The following PIBF1 variants were observed in gnomAD, a reference collection of about 807,000 sequenced individuals.
The protein encoded by PIBF1 is progesterone-induced-blocking factor 1.
Under a neutral mutation model 112.5 loss-of-function variants are expected in PIBF1, and 90 were observed. That is an observed-to-expected ratio of 0.80 (90% confidence interval 0.67 to 0.95). The LOEUF (loss-of-function observed/expected upper bound fraction) is 0.95. PIBF1 is among the 40% of genes least tolerant of loss of function. The pLI is 0.00. For synonymous variants in PIBF1, 301 were observed against 288.6 expected, an observed-to-expected ratio of 1.04 and a Z score of -0.44; for missense variants, 915 against 852.3, an observed-to-expected ratio of 1.07 and a Z score of -0.92.
At chr13:72,784,553 G>A (rs929588774) in intron 2 of PIBF1, among the ~76,000 whole-genome samples, 1 of 152,012 alleles carries the variant, frequency 6.6e-6, no homozygotes, top group African/African-American at 2.4e-5. Context: ...AAGCTCAGGA[G>A]TTCGAGACTA....
At chr13:72,936,872 GA>G (rs2041884593) in intron 14 of PIBF1, among the ~76,000 whole-genome samples, 1 of 152,032 alleles carries the variant, frequency 6.6e-6, no homozygotes, top group Non-Finnish European at 1.5e-5. Context: ...ATGAAGCAGA[GA>G]AAATTGACAT....
chr13:72,912,917 A>T (rs114356549), intron 12 of PIBF1, among the ~76,000 whole-genome samples: 38 of 151,950 alleles, frequency 2.5e-4, no homozygotes, highest in African/African-American at 8.4e-4. Flanking sequence ...ATATGGTATG[A>T]TTATACTATA....
At chr13:72,968,911 C>T (rs1022588818) in intron 15 of PIBF1, among the ~76,000 whole-genome samples, 36 of 151,724 alleles carry the variant, frequency 2.4e-4, no homozygotes, top group African/African-American at 8.2e-4. Flanking sequence ...TGTGATGGCA[C>T]GCTTCTGTAG....
intron 5 of PIBF1, among the ~76,000 whole-genome samples, chr13:72,810,777 G>A (rs1026702389): frequency 6.6e-6 from 1 of 151,906 alleles, no homozygotes; most frequent in Admixed American, 6.6e-5. Flanking sequence ...AATTTAAAAT[G>A]TATAAGCATT....
intron 10 of PIBF1, among the ~76,000 whole-genome samples, chr13:72,884,935 C>T (rs2039786305): frequency 6.6e-6 from 1 of 151,954 alleles, no homozygotes; most frequent in Non-Finnish European, 1.5e-5. Context: ...CTTATTATGT[C>T]TTCTATTTAT....
chr13:72,837,624 T>G (rs1159666742), intron 9 of PIBF1, among the ~76,000 whole-genome samples: 5 of 152,178 alleles, frequency 3.3e-5, no homozygotes, highest in Non-Finnish European at 7.4e-5. Context: ...CTCTTTCTGC[T>G]TAACTCCTGT....
intron 3 of PIBF1, among the ~76,000 whole-genome samples, chr13:72,793,562 A>G (rs1487507138): frequency 6.6e-6 from 1 of 152,250 alleles, no homozygotes; most frequent in Non-Finnish European, 1.5e-5. Context: ...GAACCACTGC[A>G]TTTGATAATA....
In PIBF1 at chr13:72,946,500, A is replaced by G. The variant is rs9573070; in HGVS notation, c.1833+15233A>G. Among the ~76,000 whole-genome samples the G allele has an allele frequency of 8.6e-3, 1,312 of 152,264 alleles. 37 individuals carry two copies. The highest frequency in any genetic ancestry group is 0.064 in the East Asian group (329 of 5,168). On this transcript the variant is annotated intron_variant, in intron 14 of 17. Coordinates refer to ENST00000326291, the MANE Select transcript of PIBF1 (RefSeq NM_006346.4). Reference sequence around the variant, plus strand: ...CAAAACACAATCATGCCTTTCCAACAGTTCCCCAAAGTCTTAACTCTTTCC... The same window carrying G: ...CAAAACACAATCATGCCTTTCCAACGGTTCCCCAAAGTCTTAACTCTTTCC...
intron 11 of PIBF1, chr13:72,901,125 A>G (rs1391115455): frequency 4.6e-6 from 2 of 432,864 alleles, no homozygotes; most frequent in Non-Finnish European, 9.2e-6. Flanking sequence ...GAGTAAACAG[A>G]CAACCCACAA....
chr13:72,980,977 G>C (rs1415298667), intron 16 of PIBF1, among the ~76,000 whole-genome samples: 1 of 152,026 alleles, frequency 6.6e-6, no homozygotes, highest in East Asian at 1.9e-4. Context: ...AGGCACGGTG[G>C]CTCACGCTTG....
chr13:72,921,303 A>G (rs1325797166), intron 13 of PIBF1, among the ~76,000 whole-genome samples: 2 of 152,100 alleles, frequency 1.3e-5, no homozygotes, highest in East Asian at 3.9e-4. Context: ...GGGTTTCACC[A>G]TATTGTCCAG....
chr13:72,904,211 T>C (rs2040600377), intron 11 of PIBF1, among the ~76,000 whole-genome samples: 1 of 151,886 alleles, frequency 6.6e-6, no homozygotes, highest in South Asian at 2.1e-4. Context: ...TACAAAAATA[T>C]GAAATTATAG....
intron 14 of PIBF1, among the ~76,000 whole-genome samples, chr13:72,949,200 A>G (rs867479306): frequency 1.3e-5 from 2 of 151,930 alleles, no homozygotes; most frequent in South Asian, 4.2e-4. Flanking sequence ...AACTGGCCAC[A>G]AAGTTGACCT....
chr13:72,935,260 A>G (rs1398725729), intron 14 of PIBF1, among the ~76,000 whole-genome samples: 3 of 152,176 alleles, frequency 2.0e-5, no homozygotes, highest in Non-Finnish European at 4.4e-5. Flanking sequence ...CTGGGATTAC[A>G]GGCGTGAGCA....
At chr13:72,948,057 A>G (rs1057499023) in intron 14 of PIBF1, among the ~76,000 whole-genome samples, 2 of 151,984 alleles carry the variant, frequency 1.3e-5, no homozygotes, top group African/African-American at 4.8e-5. Flanking sequence ...GGAGGGGAAC[A>G]TCACACACCA....
At chr13:72,836,999 T>A (rs376706624) in intron 9 of PIBF1, among the ~76,000 whole-genome samples, 1 of 152,080 alleles carries the variant, frequency 6.6e-6, no homozygotes, top group Non-Finnish European at 1.5e-5. Context: ...TTTTTTCTTG[T>A]TCTTCTCTTA....
intron 17 of PIBF1, 116 bp downstream of exon 17, chr13:72,999,111 A>G: frequency 3.1e-6 from 2 of 647,826 alleles, no homozygotes; most frequent in Non-Finnish European, 5.3e-6. Flanking sequence ...AATATGTTTC[A>G]TGAAAAGACC....
intron 17 of PIBF1, among the ~76,000 whole-genome samples, chr13:73,010,810 C>CTTTTTCTTTTTTTT (rs2044174823): frequency 2.5e-5 from 1 of 40,280 alleles, no homozygotes; most frequent in African/African-American, 9.6e-5. Flanking sequence ...ATTAACTTTT[C>CTTTTTCTTTTTTTT]TTTTTTTTTT....
chr13:72,979,376 G>A lies in PIBF1; in HGVS notation c.2049+5701G>A, dbSNP rs1039116398. ...TTTTCTTTGTATATATTTTATCCAC[G>A]TGTCCTTAGAATATAAGCTTTTGAG... is the stretch of plus-strand genomic sequence containing the variant. On this transcript the variant is annotated intron_variant, in intron 16 of 17. Coordinates refer to ENST00000326291, the MANE Select transcript of PIBF1 (RefSeq NM_006346.4). Among the ~76,000 whole-genome samples, 4 of 152,016 alleles carry A rather than the reference G, an allele frequency of 2.6e-5. No individual in the cohort carries two copies. The South Asian group carries it at 6.2e-4, about 24-fold the overall frequency.
Sources: gnomAD v4.1 joint callset for allele counts (sites outside exome capture counted in the v4.1 genomes callset) on GRCh38, gnomAD v4.1.1 for gene constraint, MANE v1.5 for transcripts, NCBI Gene and HGNC (gene_info 2026-07-23, HGNC 2026-07-21) for gene names.